Variants in AGAP1 observed in about 807,000 individuals in gnomAD.
AGAP1 encodes ArfGAP with GTPase domain, ankyrin repeat and PH domain 1.
Under a neutral mutation model 105.3 loss-of-function variants are expected in AGAP1, and 29 were observed. The observed-to-expected ratio is 0.28, with a 90% CI of 0.21 to 0.38. AGAP1 has a LOEUF of 0.38. Among genes scored for constraint, AGAP1 ranks in the 10% least tolerant of loss-of-function variants. AGAP1 has a pLI of 1.00. For missense variants in AGAP1, 998 were observed against 1,165.1 expected, an observed-to-expected ratio of 0.86 and a Z score of 2.09; for synonymous variants, 509 against 485.9, an observed-to-expected ratio of 1.05 and a Z score of -0.63.
chr2:236,103,229 A>G (rs1235048210), intron 16 of AGAP1, among the ~76,000 whole-genome samples: 2 of 152,058 alleles, frequency 1.3e-5, no homozygotes, highest in Admixed American at 1.3e-4. Flanking sequence ...TGCCTCCCAG[A>G]AAAAGGAAAA....
At chr2:235,746,377 C>CTTTT (rs1172393048) in intron 5 of AGAP1, among the ~76,000 whole-genome samples, 4,898 of 55,480 alleles carry the variant, frequency 0.088, 924 homozygotes, top group Non-Finnish European at 0.098. Flanking sequence ...CCTCCCCCAA[C>CTTTT]TTTTTTTTTT....
Position 236,003,528 on chromosome 2 carries a change from C to T in AGAP1, c.1646-33033C>T, listed in dbSNP as rs1256620028. Among the ~76,000 whole-genome samples the T allele has an allele frequency of 6.6e-6, 1 of 152,232 alleles. No individual in the cohort carries two copies. The highest frequency in any genetic ancestry group is 1.5e-5 in the Non-Finnish European group (1 of 68,034). On this transcript the variant is annotated intron_variant, in intron 13 of 17. Transcript: ENST00000304032. This position sits in a 1 kb window ranked among gnomAD's most constrained non-coding sequence, Gnocchi z 4.2. ...GAGCACAGACAAGGGACCCATGGCC[C>T]AGAGCCCAGAGTCACCCGCAGCCCC...
At chr2:235,607,163 G>C (rs1471481139) in intron 1 of AGAP1, among the ~76,000 whole-genome samples, 1 of 146,866 alleles carries the variant, frequency 6.8e-6, no homozygotes, top group Non-Finnish European at 1.5e-5. Flanking sequence ...ACCACGGTGA[G>C]TTCGTTTGTT....
At chr2:235,767,789 T>A (rs1955093248) in intron 6 of AGAP1, among the ~76,000 whole-genome samples, 2 of 140,492 alleles carry the variant, frequency 1.4e-5, no homozygotes, top group African/African-American at 5.3e-5. Flanking sequence ...TTTTTTTTTT[T>A]TTTTTTTTTT....
chr2:235,598,106 G>A (rs1945599499), intron 1 of AGAP1, among the ~76,000 whole-genome samples: 2 of 151,712 alleles, frequency 1.3e-5, no homozygotes, highest in African/African-American at 4.8e-5. Context: ...TGTGGAGCGT[G>A]CACGCCCTCC....
At chr2:235,613,244 C>T (rs1222070674) in intron 1 of AGAP1, among the ~76,000 whole-genome samples, 2 of 152,130 alleles carry the variant, frequency 1.3e-5, no homozygotes, top group Admixed American at 6.5e-5. Context: ...CATCTGCCTG[C>T]CTCGGCTTCC....
intron 1 of AGAP1, among the ~76,000 whole-genome samples, chr2:235,703,341 T>TGCCTGTCTCTGAGCGGGA (rs1402018185): frequency 1.3e-5 from 2 of 152,108 alleles, no homozygotes; most frequent in Non-Finnish European, 2.9e-5. Flanking sequence ...GTAGCATGTG[T>TGCCTGTCTCTGAGCGGGA]GCCTGTCTCT....
At position 235,555,095 on chromosome 2, in the gene AGAP1, C is replaced by T. The variant is rs906050199; in HGVS notation, c.163+60246C>T. Among the ~76,000 whole-genome samples, 4 of 152,244 alleles carry T rather than the reference C, an allele frequency of 2.6e-5. No homozygotes were observed. The highest frequency in any genetic ancestry group is 1.3e-4 in the Admixed American group (2 of 15,290). ...TGGGGTGGGGCTGGGATGAGGAGAG[C>T]GCGGCCGCCAGGGTCAGCCTGGATG... On this transcript the variant is annotated intron_variant, in intron 1 of 17. Transcript: ENST00000304032. The surrounding 1 kb of genome is among the most constrained non-coding windows in gnomAD (Gnocchi z 5.1).
chr2:235,537,254 C>T (rs1015304083), intron 1 of AGAP1, among the ~76,000 whole-genome samples: 3 of 152,172 alleles, frequency 2.0e-5, no homozygotes, highest in African/African-American at 7.2e-5. Flanking sequence ...AGGGGCACCT[C>T]GGGAGCCTGG....
rs979392469 is a variant in AGAP1, at chr2:235,740,013, C to T, written c.311-950C>T. 6.6e-6 allele frequency among the ~76,000 whole-genome samples: 1 copy of T among 152,256 alleles called. No individual in the cohort carries two copies. The highest frequency in any genetic ancestry group is 2.4e-5 in the African/African-American group (1 of 41,564). On this transcript the variant is annotated intron_variant, in intron 3 of 17. Transcript: ENST00000304032. This position sits in a 1 kb window ranked among gnomAD's most constrained non-coding sequence, Gnocchi z 5.7. ...GGAGCGGAAGACAAGAGCTGGGAACCGATGCGTGCCTTCCCTCTTTAAAAC... is the reference window on the plus strand; with the variant it reads ...GGAGCGGAAGACAAGAGCTGGGAACTGATGCGTGCCTTCCCTCTTTAAAAC...
chr2:235,923,410 C>T (rs151337891), intron 11 of AGAP1, among the ~76,000 whole-genome samples: 93 of 152,132 alleles, frequency 6.1e-4, no homozygotes, highest in Non-Finnish European at 1.2e-3. Flanking sequence ...ACACATAAGA[C>T]GCACAGAATC....
chr2:235,820,755 G>A (rs1279665022), intron 9 of AGAP1, among the ~76,000 whole-genome samples: 1 of 152,184 alleles, frequency 6.6e-6, no homozygotes, highest in Non-Finnish European at 1.5e-5. Context: ...TAATGATTAG[G>A]CAATGAGGAA....
chr2:235,524,523 G>C, intron 1 of AGAP1: 1 of 341,278 alleles, frequency 2.9e-6, no homozygotes, highest in South Asian at 2.4e-5. Context: ...CCACGGGGCT[G>C]CACCCAGCCC....
chr2:235,988,003 G>A lies in AGAP1; in HGVS notation c.1645+19380G>A, dbSNP rs2055393958. ...CAAACCGAAAGTATGCAGAATGTTGGTAGTTAAAACTCCTTTTGTTATTTT... is the reference window on the plus strand; with the variant it reads ...CAAACCGAAAGTATGCAGAATGTTGATAGTTAAAACTCCTTTTGTTATTTT... On this transcript the variant is annotated intron_variant, in intron 13 of 17. Transcript: ENST00000304032. This position sits in a 1 kb window ranked among gnomAD's most constrained non-coding sequence, Gnocchi z 4.7. Among the ~76,000 whole-genome samples the A allele has an allele frequency of 6.6e-6, 1 of 152,122 alleles. No individual in the cohort carries two copies. The highest frequency in any genetic ancestry group is 6.6e-5 in the Admixed American group (1 of 15,248).
chr2:235,573,100 T>C, intron 1 of AGAP1, among the ~76,000 whole-genome samples: 1 of 148,034 alleles, frequency 6.8e-6, no homozygotes. Flanking sequence ...TTCTTCTTCT[T>C]CTTCCTTTTT....
intron 1 of AGAP1, among the ~76,000 whole-genome samples, chr2:235,534,487 G>C (rs956092263): frequency 6.6e-6 from 1 of 152,138 alleles, no homozygotes; most frequent in Non-Finnish European, 1.5e-5. Flanking sequence ...ACTAGATCTG[G>C]TGTTTTTTGG....
At chr2:235,834,839 G>C (rs1422158714) in intron 9 of AGAP1, among the ~76,000 whole-genome samples, 2 of 152,190 alleles carry the variant, frequency 1.3e-5, no homozygotes, top group African/African-American at 4.8e-5. Context: ...TTAGAGGCTC[G>C]GGTCTAGTGG....
Position 235,792,895 on chromosome 2 carries a change from G to A in AGAP1, c.674-4864G>A, listed in dbSNP as rs1957062945. 6.6e-6 allele frequency among the ~76,000 whole-genome samples: 1 copy of A among 152,156 alleles called. No homozygotes were observed. Among genetic ancestry groups the A allele is most frequent in the Non-Finnish European group, 1.5e-5 (1 of 68,032 alleles). On this transcript the variant is annotated intron_variant, in intron 6 of 17. Transcript: ENST00000304032. This position sits in a 1 kb window ranked among gnomAD's most constrained non-coding sequence, Gnocchi z 5.3. Reference sequence around the variant, plus strand: ...CGATCCTGGGAGCTCCTGGCACTGAGGTGGTGACCGAGACATTCGCGAGGA... The same window carrying A: ...CGATCCTGGGAGCTCCTGGCACTGAAGTGGTGACCGAGACATTCGCGAGGA...
Position 235,993,098 on chromosome 2 carries a change from A to G in AGAP1, c.1645+24475A>G, listed in dbSNP as rs2055643479. Among the ~76,000 whole-genome samples, 1 of 152,220 alleles carries G rather than the reference A, an allele frequency of 6.6e-6. No homozygotes were observed. The highest frequency in any genetic ancestry group is 2.4e-5 in the African/African-American group (1 of 41,454). On this transcript the variant is annotated intron_variant, in intron 13 of 17. Coordinates refer to ENST00000304032, the MANE Select transcript of AGAP1 (RefSeq NM_001037131.3). This position sits in a 1 kb window ranked among gnomAD's most constrained non-coding sequence, Gnocchi z 5.0. ...ATGACTTTAGCAGAGATTCTAGCTA[A>G]TACATGGAGTTGTGCTTCCTAAGTA...
Sources: allele counts gnomAD v4.1 joint callset (sites outside exome capture counted in the v4.1 genomes callset), GRCh38; gene constraint gnomAD v4.1.1; non-coding constraint Gnocchi (gnomAD v3.1); transcripts MANE v1.5; gene names NCBI Gene and HGNC (gene_info 2026-07-23, HGNC 2026-07-21).